CLDN10: variants seen among roughly 807,000 people sequenced by gnomAD.
The protein encoded by CLDN10 is claudin-10.
In CLDN10, 15 loss-of-function variants were observed where a neutral mutation model predicts 22.9. The ratio of observed to expected loss-of-function variants is 0.65; its 90% CI spans 0.44 to 1.01. The LOEUF (loss-of-function observed/expected upper bound fraction) is 1.01. Among genes scored for constraint, CLDN10 ranks in the 50% least tolerant of loss-of-function variants. CLDN10 has a pLI of 0.00. For missense variants in CLDN10, 247 were observed against 287.8 expected, an observed-to-expected ratio of 0.86 and a Z score of 1.03; for synonymous variants, 114 against 111.4, an observed-to-expected ratio of 1.02 and a Z score of -0.15.
intron 1 of CLDN10, among the ~76,000 whole-genome samples, chr13:95,558,679 A>G (rs1231711423): frequency 6.6e-6 from 1 of 152,214 alleles, no homozygotes; most frequent in Non-Finnish European, 1.5e-5. Context: ...TAAGCCCAGC[A>G]TTTTGGGAGG....
chr13:95,457,017 C>T (rs1477654476), intron 1 of CLDN10, among the ~76,000 whole-genome samples: 1 of 152,114 alleles, frequency 6.6e-6, no homozygotes, highest in African/African-American at 2.4e-5. Flanking sequence ...CTAAACCAAA[C>T]TCATCATGTT....
intron 1 of CLDN10, among the ~76,000 whole-genome samples, chr13:95,456,760 C>T (rs990376559): frequency 6.6e-6 from 1 of 152,054 alleles, no homozygotes; most frequent in African/African-American, 2.4e-5. Flanking sequence ...CTGCACAAAA[C>T]GAAACAAAAC....
intron 1 of CLDN10, among the ~76,000 whole-genome samples, chr13:95,472,021 C>T (rs980836820): frequency 1.6e-4 from 24 of 148,084 alleles, no homozygotes; most frequent in African/African-American, 5.9e-4. Context: ...TGCAGTCAAG[C>T]GATCCTCCAG....
intron 1 of CLDN10, among the ~76,000 whole-genome samples, chr13:95,520,078 G>A (rs971567113): frequency 4.6e-5 from 7 of 152,262 alleles, no homozygotes; most frequent in African/African-American, 9.6e-5. Flanking sequence ...ATGAACATGC[G>A]TATGCCTGTG....
At chr13:95,459,193 G>A (rs375977928) in intron 1 of CLDN10, among the ~76,000 whole-genome samples, 44 of 152,322 alleles carry the variant, frequency 2.9e-4, no homozygotes, top group Admixed American at 1.4e-3. Flanking sequence ...ACAGGCTGGC[G>A]TTGAGTGTCT....
At chr13:95,512,462 A>G (rs926649626) in intron 1 of CLDN10, among the ~76,000 whole-genome samples, 2 of 152,174 alleles carry the variant, frequency 1.3e-5, no homozygotes, top group Non-Finnish European at 2.9e-5. Flanking sequence ...AAATGTGAGC[A>G]ATGTGTTTTG....
intron 3 of CLDN10, among the ~76,000 whole-genome samples, chr13:95,571,378 A>G (rs1477677710): frequency 3.9e-5 from 6 of 152,176 alleles, no homozygotes; most frequent in South Asian, 4.1e-4. Context: ...GTTTCCATAT[A>G]TAAGTAGACA....
At chr13:95,457,118 T>C (rs912460846) in intron 1 of CLDN10, among the ~76,000 whole-genome samples, 6 of 152,194 alleles carry the variant, frequency 3.9e-5, no homozygotes, top group East Asian at 3.8e-4. Flanking sequence ...ATTGCACCCA[T>C]CTTCTGGTCA....
intron 1 of CLDN10, among the ~76,000 whole-genome samples, chr13:95,447,532 G>T (rs1276560461): frequency 6.6e-6 from 1 of 152,142 alleles, no homozygotes; most frequent in Non-Finnish European, 1.5e-5. Context: ...CAGCATGCCT[G>T]GTGGCTCAGT....
intron 1 of CLDN10, among the ~76,000 whole-genome samples, chr13:95,539,874 G>T (rs902221872): frequency 6.6e-6 from 1 of 152,214 alleles, no homozygotes; most frequent in African/African-American, 2.4e-5. Flanking sequence ...TTTACTTTTG[G>T]CTGGGCAAGG....
At chr13:95,439,876 A>G (rs960880652) in intron 1 of CLDN10, among the ~76,000 whole-genome samples, 3 of 152,080 alleles carry the variant, frequency 2.0e-5, no homozygotes, top group Admixed American at 1.3e-4. Context: ...TACCATGTCA[A>G]TGAGGGAAAA....
chr13:95,538,148 T>G (rs1322220864), intron 1 of CLDN10, among the ~76,000 whole-genome samples: 1 of 136,974 alleles, frequency 7.3e-6, no homozygotes, highest in Non-Finnish European at 1.5e-5. Context: ...ACAAACTGTT[T>G]ATTTCTTTTT....
chr13:95,565,801 G>A (rs2043779561), intron 3 of CLDN10, among the ~76,000 whole-genome samples: 1 of 106,150 alleles, frequency 9.4e-6, no homozygotes, highest in African/African-American at 3.7e-5. Flanking sequence ...ACAGGCCCCA[G>A]TGTGTGATGT....
rs1555289387 is a variant in CLDN10 at position 95,467,521 on chromosome 13, G to GT, written c.214+33482dup. Among the ~76,000 whole-genome samples the GT allele has an allele frequency of 8.0e-3, 1,149 of 143,340 alleles. 13 individuals are homozygous for GT. The highest frequency in any genetic ancestry group is 0.025 in the African/African-American group (970 of 39,430). The allele number at this position is 143,340 out of a possible 152,430, so 94.0% of individuals were successfully genotyped here. On this transcript the variant is annotated intron_variant, in intron 1 of 4. Coordinates refer to the CLDN10 transcript ENST00000376873. ...TCTATAAATTACCCCTCCCTCTATT[G>GT]TTTTTTTTGGGGGGGGCAATTTATT...
chr13:95,552,708 G>C (rs1024160108), upstream of CLDN10: 3 of 1,558,678 alleles, frequency 1.9e-6, no homozygotes, highest in African/African-American at 1.4e-5. Context: ...CGGGGGTCGC[G>C]GCGCAGAGTG....
At chr13:95,522,199 T>A (rs533225612) in intron 1 of CLDN10, among the ~76,000 whole-genome samples, 70 of 152,142 alleles carry the variant, frequency 4.6e-4, no homozygotes, top group African/African-American at 1.6e-3. Context: ...TCTTTTTCTG[T>A]TTATTTGAGA....
At chr13:95,436,308 C>T (rs930931485) in intron 1 of CLDN10, among the ~76,000 whole-genome samples, 1 of 152,052 alleles carries the variant, frequency 6.6e-6, no homozygotes, top group Non-Finnish European at 1.5e-5. Context: ...CTCAGCCTCC[C>T]AAGTAGCTGG....
intron 1 of CLDN10, among the ~76,000 whole-genome samples, chr13:95,516,691 G>A (rs971304): frequency 0.86 from 131,343 of 152,176 alleles, 56,882 homozygotes; most frequent in East Asian, 0.96. Flanking sequence ...GGACTTCTTC[G>A]GGGCAGCAGT....
At chr13:95,501,429 T>A (rs918536062) in intron 1 of CLDN10, among the ~76,000 whole-genome samples, 5 of 152,250 alleles carry the variant, frequency 3.3e-5, no homozygotes, top group African/African-American at 1.2e-4. Flanking sequence ...CCTTCCTGCC[T>A]CAGCCTCCCA....
Sources: allele counts gnomAD v4.1 joint callset (sites outside exome capture counted in the v4.1 genomes callset), GRCh38; gene constraint gnomAD v4.1.1; transcripts MANE v1.5; gene names NCBI Gene and HGNC (gene_info 2026-07-23, HGNC 2026-07-21).